The following PTPRB variants were observed in gnomAD, a reference collection of about 807,000 sequenced individuals.
PTPRB encodes protein tyrosine phosphatase receptor type B, also known as receptor-type tyrosine-protein phosphatase beta.
PTPRB carries 97 observed loss-of-function variants against 238.1 expected under a neutral mutation model. The observed-to-expected ratio is 0.41, with a 90% confidence interval of 0.35 to 0.48. The LOEUF (loss-of-function observed/expected upper bound fraction) is 0.48. Among genes scored for constraint, PTPRB ranks in the 20% least tolerant of loss-of-function variants. PTPRB has a pLI of 0.30. For missense variants in PTPRB, 2,292 were observed against 2,681.9 expected, an observed-to-expected ratio of 0.85 and a Z score of 3.21; for synonymous variants, 970 against 995.4, an observed-to-expected ratio of 0.97 and a Z score of 0.48.
chr12:70,631,889 C>T (rs1228926956), intron 2 of PTPRB, among the ~76,000 whole-genome samples: 1 of 152,234 alleles, frequency 6.6e-6, no homozygotes, highest in Non-Finnish European at 1.5e-5. Flanking sequence ...GATACCATCT[C>T]TTGCCAGTTA....
intron 20 of PTPRB, among the ~76,000 whole-genome samples, 162 bp from the exon 21 acceptor site, chr12:70,553,182 T>G (rs575083213): frequency 1.8e-4 from 28 of 152,276 alleles, no homozygotes; most frequent in African/African-American, 6.7e-4. Flanking sequence ...ATTCTCCTAA[T>G]AAAGTTAATT....
chr12:70,576,413 A>AT lies in PTPRB; in HGVS notation c.2810dup (p.Tyr937Ter). 6.2e-7 allele frequency: 1 copy of AT among 1,611,562 alleles called. No homozygotes were observed. The highest frequency in any genetic ancestry group is 8.5e-7 in the Non-Finnish European group (1 of 1,179,052). The change falls in exon 11 of 34, where the codon TAT (tyrosine) becomes TAAT (stop). Residue 937 changes from tyrosine to a stop codon, truncating the protein, a stop_gained and frameshift_variant. Transcript: ENST00000334414. LOFTEE classifies it high-confidence loss of function. ...GCTCTTGGCTGAAGGAGTGATTTTC[A>AT]TACTTGCCACTCCTTGTAGTTATGG... ...TVTITTRSGK[Y>*]ENHSFSQERT... is the part of the protein sequence containing the mutation.
intron 33 of PTPRB, chr12:70,522,613 A>G (rs1048856279): frequency 1.3e-5 from 2 of 152,186 alleles, no homozygotes; most frequent in African/African-American, 4.8e-5. Flanking sequence ...TTGCTTGACC[A>G]GAACTGTGCC....
intron 10 of PTPRB, among the ~76,000 whole-genome samples, chr12:70,579,462 G>C (rs1017996921): frequency 1.3e-5 from 2 of 152,104 alleles, no homozygotes; most frequent in Non-Finnish European, 2.9e-5. Flanking sequence ...CCTTTGGGAG[G>C]CCGAGGCAGG....
At chr12:70,636,311 T>C (rs1376053293) in intron 1 of PTPRB, among the ~76,000 whole-genome samples, 1 of 151,648 alleles carries the variant, frequency 6.6e-6, no homozygotes, top group African/African-American at 2.4e-5. Context: ...AATTTTCACA[T>C]GCTTTAGGGG....
At chr12:70,600,963 G>A (rs1883426594) in intron 4 of PTPRB, among the ~76,000 whole-genome samples, 1 of 152,100 alleles carries the variant, frequency 6.6e-6, no homozygotes, top group South Asian at 2.1e-4. Flanking sequence ...CGCCTCCTGG[G>A]TTCAAGCGAT....
chr12:70,563,566 C>G (rs563234156), intron 15 of PTPRB, among the ~76,000 whole-genome samples: 1 of 152,330 alleles, frequency 6.6e-6, no homozygotes, highest in South Asian at 2.1e-4. Flanking sequence ...TCTATAGCCC[C>G]AGCTGAGCAA....
chr12:70,622,956 G>GA (rs957241924), intron 2 of PTPRB, among the ~76,000 whole-genome samples: 10 of 150,780 alleles, frequency 6.6e-5, no homozygotes, highest in East Asian at 2.0e-4. Flanking sequence ...TTTAGGGGGG[G>GA]GGTCACTGAA....
At position 70,635,917 on chromosome 12, in the gene PTPRB, A is replaced by G. The variant is rs1486878119; in HGVS notation, c.205T>C (p.Leu69=). ...KLLHVKSALC[L]AISNSSRGPS... is the part of the protein sequence containing the mutation. The stretch of plus-strand genomic sequence containing the variant: ...CCGCGGGAAGAGTTGGAGATGGCCA[A>G]GCACAGTGCAGATTTAACATGAAGG... The change falls in exon 2 of 34, where the codon TTG becomes CTG. Residue 69 remains leucine, a synonymous_variant. Coordinates refer to ENST00000334414, the MANE Select transcript of PTPRB (RefSeq NM_001109754.4). 1 of 1,613,664 alleles carries G rather than the reference A, an allele frequency of 6.2e-7. No homozygotes were observed. Among genetic ancestry groups the G allele is most frequent in the East Asian group, 2.2e-5 (1 of 44,864 alleles).
chr12:70,565,650 A>G (rs1450050855), intron 15 of PTPRB, among the ~76,000 whole-genome samples: 1 of 152,174 alleles, frequency 6.6e-6, no homozygotes, highest in Non-Finnish European at 1.5e-5. Flanking sequence ...TGCCTGATTC[A>G]TCTTTATGTC....
chr12:70,613,552 C>T (rs1289048280), intron 3 of PTPRB, among the ~76,000 whole-genome samples: 3 of 152,078 alleles, frequency 2.0e-5, no homozygotes, highest in Non-Finnish European at 4.4e-5. Flanking sequence ...CTCTAAGGGG[C>T]CAGTCCCTTT....
At chr12:70,614,313 G>A (rs1031079446) in intron 3 of PTPRB, among the ~76,000 whole-genome samples, 1 of 152,120 alleles carries the variant, frequency 6.6e-6, no homozygotes, top group Non-Finnish European at 1.5e-5. Flanking sequence ...ACATTCAGGA[G>A]AGTTAATGAG....
chr12:70,537,862 G>C (rs1170040497), intron 28 of PTPRB, among the ~76,000 whole-genome samples: 1 of 152,150 alleles, frequency 6.6e-6, no homozygotes, highest in Admixed American at 6.5e-5. Flanking sequence ...TAGCAGGGGA[G>C]GTCCATCTTC....
chr12:70,608,809 C>T (rs1464020362), intron 4 of PTPRB: 2 of 449,482 alleles, frequency 4.4e-6, no homozygotes, highest in Non-Finnish European at 7.8e-6. Context: ...CAAAGTTTCT[C>T]TTTGCTGACC....
intron 18 of PTPRB, 141 bp downstream of exon 18, chr12:70,559,202 A>G (rs4761222): frequency 0.17 from 157,917 of 904,228 alleles, 15,070 homozygotes; most frequent in African/African-American, 0.22. Context: ...GAACAAATCT[A>G]CAGAGACTTC....
At chr12:70,542,967 G>A (rs553876952) in intron 22 of PTPRB, 3 of 150,808 alleles carry the variant, frequency 2.0e-5, no homozygotes, top group African/African-American at 7.3e-5. Context: ...TTATTAAATT[G>A]TGAGGTAAGA....
At position 70,635,778 on chromosome 12, in the gene PTPRB, C is replaced by G; in HGVS notation, c.344G>C (p.Gly115Ala). ...ENASLFLQKQ[G>A]SRVVVKKARK... ...GGCCTTCTTGACCACTACTCTGGAG[C>G]CTTGTTTCTGGAGAAAGAGAGAGGC... Residue 115 changes from glycine to alanine, a missense_variant, in exon 2 of 34, where the codon GGC becomes GCC. Gly to Ala is a moderately conservative substitution (Grantham distance 60, BLOSUM62 0). This residue lies in a region of PTPRB where 1,205 missense variants were observed against 1,287.8 expected (regional missense o/e 0.94). Coordinates refer to ENST00000334414, the MANE Select transcript of PTPRB (RefSeq NM_001109754.4). 1 of 1,613,844 alleles carries G rather than the reference C, an allele frequency of 6.2e-7. No individual in the cohort carries two copies. The highest frequency in any genetic ancestry group is 8.5e-7 in the Non-Finnish European group (1 of 1,179,842).
At chr12:70,551,144 C>T (rs1419036166) in intron 21 of PTPRB, among the ~76,000 whole-genome samples, 1 of 152,220 alleles carries the variant, frequency 6.6e-6, no homozygotes, top group Non-Finnish European at 1.5e-5. Context: ...GATTCGCCCA[C>T]CTCGGCCTCC....
At chr12:70,533,018 T>A (rs1873530992) in intron 31 of PTPRB, among the ~76,000 whole-genome samples, 1 of 152,200 alleles carries the variant, frequency 6.6e-6, no homozygotes, top group South Asian at 2.1e-4. Flanking sequence ...TTTTAAATTT[T>A]TCTCTATTAA....
Sources: allele counts gnomAD v4.1 joint callset (sites outside exome capture counted in the v4.1 genomes callset), GRCh38; gene constraint gnomAD v4.1.1; regional missense constraint gnomAD v4.1.1; transcripts MANE v1.5; gene names NCBI Gene and HGNC (gene_info 2026-07-23, HGNC 2026-07-21).